Variants in GDPD5 observed in about 807,000 individuals in gnomAD.
The protein encoded by GDPD5 is glycerophosphodiester phosphodiesterase domain containing 5.
Under a neutral mutation model 75.1 loss-of-function variants are expected in GDPD5, and 48 were observed. The ratio of observed to expected loss-of-function variants is 0.64; its 90% CI spans 0.51 to 0.81. The LOEUF (loss-of-function observed/expected upper bound fraction) is 0.81, where lower values mean the gene tolerates loss of function less well. GDPD5 is among the 40% of genes least tolerant of loss of function. The pLI is 0.00. For synonymous variants in GDPD5, 336 were observed against 339.0 expected, an observed-to-expected ratio of 0.99 and a Z score of 0.10; for missense variants, 706 against 822.6, an observed-to-expected ratio of 0.86 and a Z score of 1.73.
intron 3 of GDPD5, among the ~76,000 whole-genome samples, chr11:75,472,567 G>A (rs555370498): frequency 1.0e-3 from 157 of 152,246 alleles, no homozygotes; most frequent in African/African-American, 3.7e-3. Flanking sequence ...GAGCACAGGA[G>A]GCAGCACCAA....
Position 75,462,797 on chromosome 11 carries a change from A to T in GDPD5, c.210T>A (p.Asp70Glu), listed in dbSNP as rs1949442347. The T allele has an allele frequency of 6.2e-7, 1 of 1,613,266 alleles. No individual in the cohort carries two copies. The stretch of plus-strand genomic sequence containing the variant: ...CTGCCCCTACTCACCAGTTGAATTC[A>T]TCATAGTCATTGTGGACTTCCCACC... ...YFWWEVHNDY[D>E]EFNWYLYNRM... The change falls in exon 4 of 17, where the codon GAT becomes GAA. Residue 70 changes from aspartate to glutamate, a missense_variant. Physicochemically the swap from Asp to Glu is conservative, Grantham distance 45 (BLOSUM62 2). Coordinates refer to ENST00000336898, the MANE Select transcript of GDPD5 (RefSeq NM_030792.8).
Position 75,449,449 on chromosome 11 carries a change from G to A in GDPD5, c.568+68C>T, listed in dbSNP as rs113847320. On this transcript the variant is annotated intron_variant, in intron 8 of 16. Coordinates refer to ENST00000336898, the MANE Select transcript of GDPD5 (RefSeq NM_030792.8). ...GCCACCCCCAGGGAAAGCCCAGGTC[G>A]GGGCAGCACCAGCTGGTCTTGGCAC... 64 of 1,441,832 alleles carry A rather than the reference G, an allele frequency of 4.4e-5. 1 individual carries two copies. Among genetic ancestry groups the A allele is most frequent in the African/African-American group, 2.9e-4 (21 of 71,346 alleles). The allele number at this position is 1,441,832 out of a possible 1,614,324, so 89.3% of individuals were successfully genotyped here.
chr11:75,449,872 C>A lies in GDPD5; in HGVS notation c.474+13G>T, dbSNP rs1272178371. 6.2e-7 allele frequency: 1 copy of A among 1,611,434 alleles called. No individual in the cohort carries two copies. Among genetic ancestry groups the A allele is most frequent in the Admixed American group, 1.7e-5 (1 of 60,010 alleles). ...TCTTGTTGTGAGGGTCCTGGGGGAC[C>A]CTCCTCACTCACCTGCAGGGAGATC... On this transcript the variant is annotated intron_variant, in intron 7 of 16. Transcript: ENST00000336898.
intron 9 of GDPD5, among the ~76,000 whole-genome samples, chr11:75,445,846 T>A (rs1948972758): frequency 6.6e-6 from 1 of 152,194 alleles, no homozygotes; most frequent in Admixed American, 6.5e-5. Context: ...AGCTGTAAAA[T>A]GGGCTAACAT....
intron 1 of GDPD5, among the ~76,000 whole-genome samples, chr11:75,490,933 G>A (rs1402233562): frequency 6.6e-6 from 1 of 152,194 alleles, no homozygotes; most frequent in East Asian, 1.9e-4. Flanking sequence ...GGCCAGGAGA[G>A]GTGAGGAGGA....
intron 6 of GDPD5, among the ~76,000 whole-genome samples, chr11:75,453,712 A>C (rs1427771233): frequency 6.6e-6 from 1 of 152,186 alleles, no homozygotes; most frequent in Non-Finnish European, 1.5e-5. Flanking sequence ...GAAAATAAGC[A>C]AAAAATTCAT....
chr11:75,460,761 G>A (rs1949393425), intron 4 of GDPD5, among the ~76,000 whole-genome samples: 1 of 151,954 alleles, frequency 6.6e-6, no homozygotes, highest in South Asian at 2.1e-4. Context: ...AGACTCTTGA[G>A]ACTATCAGGA....
At position 75,519,993 on chromosome 11, in the gene GDPD5, A is replaced by C. The variant is rs1223186677; in HGVS notation, c.-145+5217T>G. Among the ~76,000 whole-genome samples the C allele has an allele frequency of 2.6e-5, 4 of 152,188 alleles. No individual in the cohort carries two copies. The East Asian group carries it at 7.7e-4, about 29-fold the overall frequency. On this transcript the variant is annotated intron_variant, in intron 1 of 16. Coordinates refer to ENST00000336898, the MANE Select transcript of GDPD5 (RefSeq NM_030792.8). Reference sequence around the variant, plus strand: ...GGGTCATTTCTTCTGCGTAGGCCTGAGAAGAAAACCCAAGTCCCCAGATAT... The same window carrying C: ...GGGTCATTTCTTCTGCGTAGGCCTGCGAAGAAAACCCAAGTCCCCAGATAT...
chr11:75,450,167 G>A (rs1386677327), intron 6 of GDPD5, among the ~76,000 whole-genome samples, 184 bp from the exon 7 acceptor site: 1 of 152,180 alleles, frequency 6.6e-6, no homozygotes, highest in Admixed American at 6.5e-5. Flanking sequence ...GATAGACACG[G>A]CAGGGAGAGA....
At chr11:75,453,887 A>G (rs1281534483) in intron 6 of GDPD5, among the ~76,000 whole-genome samples, 1 of 152,210 alleles carries the variant, frequency 6.6e-6, no homozygotes, top group Admixed American at 6.5e-5. Flanking sequence ...AAAAAGAGAA[A>G]AAATTAAATG....
chr11:75,436,529 T>A (rs967860962), intron 16 of GDPD5, among the ~76,000 whole-genome samples: 3 of 138,494 alleles, frequency 2.2e-5, no homozygotes, highest in Non-Finnish European at 4.6e-5. Context: ...ACTGTTTATA[T>A]ACGTAGCTGC....
chr11:75,447,531 A>G (rs74379570), intron 9 of GDPD5, among the ~76,000 whole-genome samples: 2,888 of 152,332 alleles, frequency 0.019, 85 homozygotes, highest in African/African-American at 0.065. Flanking sequence ...CCAAACGTAG[A>G]TAAGTATGGG....
rs1367007319 is a variant in GDPD5, at chr11:75,474,226, GC to G, written c.117+3392del. On this transcript the variant is annotated intron_variant, in intron 3 of 16. Transcript: ENST00000336898. Reference sequence around the variant, plus strand: ...ATGTACTACAGAAGTGCAAGAATCGGCTATGGTAGTCTGTCTCTTTCAATGT... The same window carrying G: ...ATGTACTACAGAAGTGCAAGAATCGGTATGGTAGTCTGTCTCTTTCAATGT... Among the ~76,000 whole-genome samples the G allele has an allele frequency of 1.1e-4, 17 of 152,348 alleles. No homozygotes were observed. In the South Asian group the frequency reaches 3.5e-3, roughly 32 times the overall value.
At chr11:75,476,867 A>T (rs971205344) in intron 3 of GDPD5, among the ~76,000 whole-genome samples, 10 of 151,980 alleles carry the variant, frequency 6.6e-5, no homozygotes, top group Non-Finnish European at 1.2e-4. Context: ...AGCGGCAGCC[A>T]CCGCTCCCCA....
chr11:75,438,184 G>A (rs1315251633), intron 15 of GDPD5: 1 of 152,300 alleles, frequency 6.6e-6, no homozygotes, highest in Non-Finnish European at 1.5e-5. Context: ...TGAGGGCAGT[G>A]AGCAAATCTC....
chr11:75,459,438 G>A (rs919906189), intron 4 of GDPD5, among the ~76,000 whole-genome samples: 1 of 151,536 alleles, frequency 6.6e-6, no homozygotes, highest in Admixed American at 6.6e-5. Flanking sequence ...CCAGTACCTG[G>A]GACTATAGGC....
chr11:75,484,972 A>C (rs1272818200), intron 2 of GDPD5, among the ~76,000 whole-genome samples: 2 of 152,198 alleles, frequency 1.3e-5, no homozygotes, highest in African/African-American at 2.4e-5. Flanking sequence ...CAAACCAACC[A>C]CAGTGCATCC....
intron 1 of GDPD5, among the ~76,000 whole-genome samples, chr11:75,512,710 G>A (rs1950550759): frequency 6.6e-6 from 1 of 152,136 alleles, no homozygotes; most frequent in Non-Finnish European, 1.5e-5. Flanking sequence ...GAGGTCAGGA[G>A]TTCCAGACCA....
chr11:75,440,033 G>A (rs995112635), intron 14 of GDPD5, 72 bp from the exon 15 acceptor site: 68 of 1,178,960 alleles, frequency 5.8e-5, no homozygotes, highest in South Asian at 2.7e-4. Context: ...CTGAGGGTCC[G>A]TGGACCAAAG....
Sources: allele counts gnomAD v4.1 joint callset (sites outside exome capture counted in the v4.1 genomes callset), GRCh38; gene constraint gnomAD v4.1.1; transcripts MANE v1.5; gene names NCBI Gene and HGNC (gene_info 2026-07-23, HGNC 2026-07-21).